CHST11: variants seen among roughly 807,000 people sequenced by gnomAD.
The protein encoded by CHST11 is C4S-1.
A neutral mutation model predicts 30.4 loss-of-function variants in CHST11; 9 were observed. That is an observed-to-expected ratio of 0.30 (90% confidence interval 0.18 to 0.52). The LOEUF is 0.52. Among genes scored for constraint, CHST11 ranks in the 20% least tolerant of loss-of-function variants. The probability of loss-of-function intolerance (pLI) is 0.97; values close to 1 mark genes in which losing one functional copy is unlikely to be tolerated. For synonymous variants in CHST11, 152 were observed against 187.8 expected, an observed-to-expected ratio of 0.81 and a Z score of 1.56; for missense variants, 348 against 460.6, an observed-to-expected ratio of 0.76 and a Z score of 2.24.
At chr12:104,549,562 T>G (rs1439133522) in intron 1 of CHST11, among the ~76,000 whole-genome samples, 1 of 152,004 alleles carries the variant, frequency 6.6e-6, no homozygotes. Flanking sequence ...AGGTCCAGTG[T>G]GGGAAAACAA....
intron 2 of CHST11, among the ~76,000 whole-genome samples, chr12:104,675,959 A>C (rs929861718): frequency 6.6e-6 from 1 of 152,140 alleles, no homozygotes; most frequent in African/African-American, 2.4e-5. Context: ...GTGTAGGCTA[A>C]AATCCAGGTC....
chr12:104,679,585 G>C (rs1209464925), intron 2 of CHST11, among the ~76,000 whole-genome samples: 1 of 152,190 alleles, frequency 6.6e-6, no homozygotes, highest in African/African-American at 2.4e-5. Context: ...CCCAGCAGCT[G>C]GTGAGGGGGG....
chr12:104,728,893 C>T (rs1478896100), intron 2 of CHST11, among the ~76,000 whole-genome samples: 1 of 152,126 alleles, frequency 6.6e-6, no homozygotes, highest in African/African-American at 2.4e-5. Context: ...TATCTTTCTT[C>T]CAGAATCAAG....
intron 2 of CHST11, among the ~76,000 whole-genome samples, chr12:104,708,738 A>G (rs1389122233): frequency 6.6e-6 from 1 of 152,170 alleles, no homozygotes; most frequent in Admixed American, 6.5e-5. Context: ...ATGTAGAGAC[A>G]TCCCCTTGAA....
intron 2 of CHST11, among the ~76,000 whole-genome samples, chr12:104,666,609 A>G (rs1356775596): frequency 1.3e-5 from 2 of 152,232 alleles, no homozygotes; most frequent in Non-Finnish European, 2.9e-5. Context: ...GTCCTGCTGC[A>G]TTGGTATTCA....
intron 2 of CHST11, among the ~76,000 whole-genome samples, chr12:104,643,270 G>A (rs1461820591): frequency 6.6e-6 from 1 of 152,238 alleles, no homozygotes; most frequent in Non-Finnish European, 1.5e-5. Context: ...TGAGGCTGTA[G>A]TGAGCTATGA....
chr12:104,472,306 G>GAT (rs1490354500), intron 1 of CHST11, among the ~76,000 whole-genome samples: 13 of 151,788 alleles, frequency 8.6e-5, no homozygotes, highest in African/African-American at 3.1e-4. Flanking sequence ...GTCTTTCCTG[G>GAT]GTTTTAGCTA....
At chr12:104,530,239 T>A (rs1282376459) in intron 1 of CHST11, among the ~76,000 whole-genome samples, 1 of 152,140 alleles carries the variant, frequency 6.6e-6, no homozygotes, top group African/African-American at 2.4e-5. Context: ...AAATGCTCAA[T>A]AAATGTTAGT....
At chr12:104,715,247 G>A (rs931563867) in intron 2 of CHST11, among the ~76,000 whole-genome samples, 1 of 152,094 alleles carries the variant, frequency 6.6e-6, no homozygotes, top group Non-Finnish European at 1.5e-5. Flanking sequence ...GGTGGTCGGC[G>A]CCTGTAATCC....
chr12:104,643,797 C>T (rs1289787938), intron 2 of CHST11, among the ~76,000 whole-genome samples: 2 of 152,054 alleles, frequency 1.3e-5, no homozygotes, highest in African/African-American at 2.4e-5. Flanking sequence ...GTCTCATGAG[C>T]GTGTTTTCCA....
chr12:104,738,241 T>A (rs907310382), intron 2 of CHST11, among the ~76,000 whole-genome samples: 1 of 152,162 alleles, frequency 6.6e-6, no homozygotes, highest in African/African-American at 2.4e-5. Flanking sequence ...GGGACAGCCA[T>A]GGAGCCCTTC....
intron 1 of CHST11, among the ~76,000 whole-genome samples, chr12:104,578,705 C>T (rs897181346): frequency 1.3e-5 from 2 of 152,156 alleles, no homozygotes; most frequent in African/African-American, 2.4e-5. Context: ...CCATGGAAAG[C>T]GCTCAGCAAG....
chr12:104,637,779 C>T (rs766741431), intron 2 of CHST11, among the ~76,000 whole-genome samples: 59 of 152,346 alleles, frequency 3.9e-4, no homozygotes, highest in Non-Finnish European at 6.5e-4. Context: ...TTCAACCCAT[C>T]TGGTCACGTA....
intron 1 of CHST11, among the ~76,000 whole-genome samples, chr12:104,576,952 A>G (rs1258895197): frequency 6.6e-6 from 1 of 152,112 alleles, no homozygotes; most frequent in Admixed American, 6.5e-5. Flanking sequence ...TGAGGAAGAC[A>G]TTCAGGGTGG....
intron 1 of CHST11, among the ~76,000 whole-genome samples, chr12:104,575,244 G>A (rs994806375): frequency 2.0e-5 from 3 of 151,996 alleles, no homozygotes; most frequent in Non-Finnish European, 2.9e-5. Flanking sequence ...AAACTGGGAT[G>A]ATCCCAGGGT....
rs895833630 is a variant in CHST11 at position 104,600,821 on chromosome 12, G to T, written c.119-1085G>T. Reference sequence around the variant, plus strand: ...AAACTGCCTCGTACTTGAGAAGAAAGCCCCATTTATTCTTCCCCCATCTCT... The same window carrying T: ...AAACTGCCTCGTACTTGAGAAGAAATCCCCATTTATTCTTCCCCCATCTCT... On this transcript the variant is annotated intron_variant, in intron 1 of 2. Transcript: ENST00000303694. The surrounding 1 kb of genome is among the most constrained non-coding windows in gnomAD (Gnocchi z 4.1). 6.6e-6 allele frequency among the ~76,000 whole-genome samples: 1 copy of T among 151,962 alleles called. No homozygotes were observed. The highest frequency in any genetic ancestry group is 1.5e-5 in the Non-Finnish European group (1 of 67,974).
chr12:104,504,019 G>A (rs1395536119), intron 1 of CHST11, among the ~76,000 whole-genome samples: 1 of 152,194 alleles, frequency 6.6e-6, no homozygotes, highest in East Asian at 1.9e-4. Context: ...AAAGTTGGAC[G>A]CACCCAGTCA....
At chr12:104,556,896 G>T (rs556517384) in intron 1 of CHST11, among the ~76,000 whole-genome samples, 10 of 151,096 alleles carry the variant, frequency 6.6e-5, no homozygotes, top group Non-Finnish European at 1.5e-4. Flanking sequence ...CAGGAGAATC[G>T]CTTGAACCCA....
chr12:104,621,686 A>G (rs2039160107), intron 2 of CHST11, among the ~76,000 whole-genome samples: 1 of 152,252 alleles, frequency 6.6e-6, no homozygotes, highest in South Asian at 2.1e-4. Context: ...AAGATGGAAA[A>G]GGCACAGAAC....
Sources: gnomAD v4.1 joint callset for allele counts (sites outside exome capture counted in the v4.1 genomes callset) on GRCh38, gnomAD v4.1.1 for gene constraint, Gnocchi (gnomAD v3.1) non-coding constraint, MANE v1.5 for transcripts, NCBI Gene and HGNC (gene_info 2026-07-23, HGNC 2026-07-21) for gene names.